The following URB2 variants were observed in gnomAD, a reference collection of about 807,000 sequenced individuals.
URB2 encodes unhealthy ribosome biogenesis protein 2 homolog.
In URB2, 86 loss-of-function variants were observed where a neutral mutation model predicts 120.9. The ratio of observed to expected loss-of-function variants is 0.71; its 90% CI spans 0.60 to 0.85. The LOEUF is 0.85. URB2 is among the 40% of genes least tolerant of loss of function. The pLI is 0.00. For synonymous variants in URB2, 755 were observed against 758.4 expected, an observed-to-expected ratio of 1.00 and a Z score of 0.07; for missense variants, 1,765 against 1,836.5, an observed-to-expected ratio of 0.96 and a Z score of 0.71.
intron 4 of URB2, among the ~76,000 whole-genome samples, chr1:229,642,825 A>G (rs1213355370): frequency 6.6e-6 from 1 of 152,234 alleles, no homozygotes. Context: ...CCCCCAGCAC[A>G]GTAAAAAATT....
chr1:229,656,545 T>C (rs1666411023), intron 9 of URB2, among the ~76,000 whole-genome samples: 1 of 152,256 alleles, frequency 6.6e-6, no homozygotes, highest in African/African-American at 2.4e-5. Context: ...AAATATTCCA[T>C]ATGCATTAGC....
At chr1:229,657,842 C>CT (rs1325354279) in intron 9 of URB2, among the ~76,000 whole-genome samples, 1 of 152,204 alleles carries the variant, frequency 6.6e-6, no homozygotes, top group African/African-American at 2.4e-5. Context: ...TAGGAATGTA[C>CT]TTCCCAGTGG....
intron 9 of URB2, among the ~76,000 whole-genome samples, chr1:229,656,413 T>A (rs1666407334): frequency 6.6e-6 from 1 of 152,234 alleles, no homozygotes; most frequent in Admixed American, 6.5e-5. Flanking sequence ...TAGTTATATT[T>A]TATTTTTAAT....
chr1:229,659,137 A>T lies in URB2; in HGVS notation c.4415A>T (p.Glu1472Val). The T allele has an allele frequency of 6.2e-7, 1 of 1,612,464 alleles. No homozygotes were observed. The highest frequency in any genetic ancestry group is 8.5e-7 in the Non-Finnish European group (1 of 1,179,922). The change falls in exon 10 of 10, where the codon GAG (glutamate) becomes GTG (valine). Residue 1472 changes from glutamate (E) to valine (V), a missense_variant. By Grantham distance (121) the Glu-to-Val change is moderately radical. Coordinates refer to ENST00000258243, the MANE Select transcript of URB2 (RefSeq NM_014777.4). ...LYPAVKSLLQ[E>V]GIYLILDLCI... ...CCAGCTGTGAAAAGTCTGCTGCAGG[A>T]GGGCATTTACCTCATCCTGGACCTC...
Position 229,651,068 on chromosome 1 carries a change from A to G in URB2, c.4150-167A>G. ...TCTAATACAAGATGGGTGAGCAGTG[A>G]CAGCAGCATGTCCAGGCGAAAGGAT... On this transcript the variant is annotated intron_variant, in intron 7 of 9. Transcript: ENST00000258243. The G allele has an allele frequency of 8.5e-6, 4 of 469,436 alleles. No homozygotes were observed. In the East Asian group the frequency reaches 1.6e-4, roughly 18 times the overall value. The allele number at this position is 469,436 out of a possible 1,614,324, so 29.1% of individuals were successfully genotyped here. A position where few individuals can be genotyped will look rare whatever the true frequency, so the allele number is the denominator to read the frequency against.
intron 1 of URB2, among the ~76,000 whole-genome samples, chr1:229,626,999 A>G (rs1014469965): frequency 6.6e-6 from 1 of 152,090 alleles, no homozygotes; most frequent in African/African-American, 2.4e-5. Context: ...TAGTAACTGT[A>G]GGTGTTTGGT....
chr1:229,648,147 CA>C (rs954271549), intron 7 of URB2, among the ~76,000 whole-genome samples: 8 of 150,450 alleles, frequency 5.3e-5, no homozygotes, highest in African/African-American at 1.9e-4. Context: ...TTGTTTCATG[CA>C]AAAAATTATT....
intron 8 of URB2, 105 bp from the exon 9 acceptor site, chr1:229,654,144 T>C (rs112974419): frequency 6.6e-7 from 1 of 1,514,922 alleles, no homozygotes. Context: ...TGGGAAAACA[T>C]GTAACACTTG....
rs144372291 is a variant in URB2 at position 229,639,973 on chromosome 1, C to A, written c.3634+1726C>A. 2.7e-3 allele frequency among the ~76,000 whole-genome samples: 405 copies of A among 152,166 alleles called. 1 individual carries two copies. The highest frequency in any genetic ancestry group is 0.021 in the South Asian group (100 of 4,822). On this transcript the variant is annotated intron_variant, in intron 4 of 9. Coordinates refer to ENST00000258243, the MANE Select transcript of URB2 (RefSeq NM_014777.4). ...TTATGAAGACAAGGGCTAGAAATAT[C>A]TAGAAAATATTAAGCAAAAAAAGTA...
chr1:229,631,001 AAAAAG>A (rs1356941167), intron 2 of URB2, among the ~76,000 whole-genome samples: 2 of 151,082 alleles, frequency 1.3e-5, no homozygotes, highest in Non-Finnish European at 1.5e-5. Context: ...AAAAAAAAAA[AAAAAG>A]AAAGTCCTGA....
chr1:229,627,844 A>G, intron 2 of URB2, 85 bp downstream of exon 2: 1 of 1,460,580 alleles, frequency 6.8e-7, no homozygotes, highest in East Asian at 2.4e-5. Flanking sequence ...ATTGGTTAAA[A>G]TAAAAAAATA....
At chr1:229,645,723 T>G (rs1205956637) in intron 5 of URB2, 136 bp from the exon 6 acceptor site, 4 of 744,612 alleles carry the variant, frequency 5.4e-6, no homozygotes, top group Non-Finnish European at 9.5e-6. Context: ...AAGCAGGCCT[T>G]GTCCACCTCC....
intron 9 of URB2, among the ~76,000 whole-genome samples, chr1:229,655,587 A>G (rs1425022648): frequency 6.6e-6 from 1 of 152,206 alleles, no homozygotes; most frequent in Non-Finnish European, 1.5e-5. Flanking sequence ...AAAATTCCAC[A>G]GGATCCTGTG....
intron 5 of URB2, among the ~76,000 whole-genome samples, chr1:229,644,886 G>A (rs1666102893): frequency 6.6e-6 from 1 of 152,154 alleles, no homozygotes; most frequent in Admixed American, 6.5e-5. Flanking sequence ...CACATCTCAT[G>A]GTTTAAAACC....
intron 8 of URB2, among the ~76,000 whole-genome samples, chr1:229,652,199 CAA>C (rs67509550): frequency 1.3e-5 from 2 of 150,154 alleles, no homozygotes; most frequent in South Asian, 2.1e-4. Flanking sequence ...AAATAAAAAA[CAA>C]AAAAAAAAAT....
intron 2 of URB2, among the ~76,000 whole-genome samples, chr1:229,630,281 A>G (rs556295769): frequency 1.0e-3 from 159 of 152,364 alleles, no homozygotes; most frequent in African/African-American, 3.7e-3. Flanking sequence ...TTCTTAAATA[A>G]TAAGACTTGA....
At chr1:229,648,858 T>G (rs1236725730) in intron 7 of URB2, among the ~76,000 whole-genome samples, 2 of 152,236 alleles carry the variant, frequency 1.3e-5, no homozygotes, top group Non-Finnish European at 2.9e-5. Context: ...ATTTTTGTTG[T>G]GCAAACACCA....
At position 229,643,651 on chromosome 1, in the gene URB2, C is replaced by T. The variant is rs781431800; in HGVS notation, c.3753C>T (p.Leu1251=). ...EDLRLVMQCI[L]QGLDVSNMWK... ...TGAGGCTGGTGATGCAGTGTATTCT[C>T]CAGGGACTGGATGTCAGTAACATGT... Residue 1251 remains leucine (L), a synonymous_variant, in exon 5 of 10, where the codon CTC becomes CTT. Coordinates refer to ENST00000258243, the MANE Select transcript of URB2 (RefSeq NM_014777.4). 3 of 1,614,158 alleles carry T rather than the reference C, an allele frequency of 1.9e-6. No homozygotes were observed. The highest frequency in any genetic ancestry group is 3.3e-5 in the Admixed American group (2 of 60,018).
At chr1:229,642,077 T>C (rs1360990742) in intron 4 of URB2, among the ~76,000 whole-genome samples, 1 of 151,704 alleles carries the variant, frequency 6.6e-6, no homozygotes, top group African/African-American at 2.4e-5. Context: ...TGGAGATGAG[T>C]GAGGTGTTGA....
Sources: allele counts gnomAD v4.1 joint callset (sites outside exome capture counted in the v4.1 genomes callset), GRCh38; gene constraint gnomAD v4.1.1; transcripts MANE v1.5; gene names NCBI Gene and HGNC (gene_info 2026-07-23, HGNC 2026-07-21).